The following GRK6 variants were observed in gnomAD, a reference collection of about 807,000 sequenced individuals.
The protein encoded by GRK6 is G protein-coupled receptor kinase 6.
A neutral mutation model predicts 80.8 loss-of-function variants in GRK6; 37 were observed. The observed-to-expected ratio is 0.46, with a 90% CI of 0.35 to 0.60. GRK6 has a LOEUF of 0.60. Ranked by LOEUF, GRK6 falls within the 20% of genes least tolerant of loss-of-function variation. The pLI is 0.00. For synonymous variants in GRK6, 295 were observed against 320.9 expected (o/e 0.92, Z 0.86); for missense variants, 560 against 784.6 (o/e 0.71, Z 3.42).
Position 177,428,361 on chromosome 5 carries a change from G to A in GRK6, c.52+1464G>A, listed in dbSNP as rs1349586054. ...CAGGCCATGGGCAAGGCACAGGGTGGTATGGCCAGACTGGGGACTGGTACC... is the reference window on the plus strand; with the variant it reads ...CAGGCCATGGGCAAGGCACAGGGTGATATGGCCAGACTGGGGACTGGTACC... On this transcript the variant is annotated intron_variant, in intron 1 of 15. Transcript: ENST00000355472. The surrounding 1 kb of genome is among the most constrained non-coding windows in gnomAD (Gnocchi z 4.1). Among the ~76,000 whole-genome samples the A allele has an allele frequency of 6.6e-6, 1 of 152,226 alleles. No individual in the cohort carries two copies. Among genetic ancestry groups the A allele is most frequent in the Non-Finnish European group, 1.5e-5 (1 of 68,036 alleles).
intron 12 of GRK6, 22 bp downstream of exon 12, chr5:177,436,303 T>C: frequency 6.2e-7 from 1 of 1,613,522 alleles, no homozygotes; most frequent in Non-Finnish European, 8.5e-7. Flanking sequence ...CACAGAAGCC[T>C]GGCCAGCCAG....
Position 177,433,580 on chromosome 5 carries a change from C to T in GRK6, c.642C>T (p.Cys214=), listed in dbSNP as rs770810038. The T allele has an allele frequency of 6.2e-7, 1 of 1,614,100 alleles. No individual in the cohort carries two copies. The highest frequency in any genetic ancestry group is 8.5e-7 in the Non-Finnish European group (1 of 1,180,010). ...GGGCCACAGGTAAGATGTATGCCTG[C>T]AAGAAGCTAGAGAAAAAGCGGATCA... ...QVRATGKMYA[C]KKLEKKRIKK... Residue 214 remains cysteine (C), a synonymous_variant, in exon 8 of 16, where the codon TGC becomes TGT. Coordinates refer to ENST00000355472, the MANE Select transcript of GRK6 (RefSeq NM_001004106.3).
chr5:177,426,070 G>C (rs536276464), upstream of GRK6, among the ~76,000 whole-genome samples: 1 of 152,220 alleles, frequency 6.6e-6, no homozygotes, highest in African/African-American at 2.4e-5. Context: ...GCAAGAGGTC[G>C]GGGAACGGCT....
chr5:177,436,149 G>A lies in GRK6; in HGVS notation c.1134G>A (p.Met378Ile). 2 of 1,614,184 alleles carry A rather than the reference G, an allele frequency of 1.2e-6. No homozygotes were observed. The highest frequency in any genetic ancestry group is 1.7e-6 in the Non-Finnish European group (2 of 1,180,034). The change falls in exon 12 of 16, where the codon ATG becomes ATA. Residue 378 changes from methionine (M) to isoleucine (I), a missense_variant. Physicochemically the swap from Met to Ile is conservative, Grantham distance 10. This residue lies in a region of GRK6 where 294 missense variants were observed against 397.4 expected (regional missense o/e 0.74). Transcript: ENST00000355472. Reference protein sequence around the residue: ...WWALGCLLYEMIAGQSPFQQR... With the variant: ...WWALGCLLYEIIAGQSPFQQR... ...CGCTCGGCTGCCTCCTGTACGAGATGATCGCAGGCCAGTCGCCCTTCCAGC... is the reference window on the plus strand; with the variant it reads ...CGCTCGGCTGCCTCCTGTACGAGATAATCGCAGGCCAGTCGCCCTTCCAGC...
At chr5:177,432,351 G>A in intron 4 of GRK6, 41 bp downstream of exon 4, 2 of 1,584,294 alleles carry the variant, frequency 1.3e-6, no homozygotes, top group Non-Finnish European at 1.7e-6. Context: ...AGCCACCAGA[G>A]CCCCGTGTCA....
chr5:177,427,976 A>G (rs1269334306), intron 1 of GRK6, among the ~76,000 whole-genome samples: 1 of 152,230 alleles, frequency 6.6e-6, no homozygotes, highest in Non-Finnish European at 1.5e-5. Flanking sequence ...ACACAGGATG[A>G]CCGGCACAGT....
chr5:177,426,152 G>C (rs1249962478), upstream of GRK6, among the ~76,000 whole-genome samples: 1 of 152,202 alleles, frequency 6.6e-6, no homozygotes, highest in Admixed American at 6.5e-5. Flanking sequence ...CGACCCAAGG[G>C]AATACGGCCA....
intron 13 of GRK6, among the ~76,000 whole-genome samples, chr5:177,440,254 C>A (rs114650010): frequency 6.6e-6 from 1 of 152,148 alleles, no homozygotes; most frequent in African/African-American, 2.4e-5. Flanking sequence ...AGTGGGAGAC[C>A]GTGCCAGTCC....
chr5:177,433,534 A>G lies in GRK6; in HGVS notation c.598-2A>G. On this transcript the variant is annotated splice_acceptor_variant, in intron 7 of 15. Transcript: ENST00000355472. LOFTEE classifies it high-confidence loss of function. ...CATTCGCCCCTGTCTGTCTGGCCAC[A>G]GGTGTGCGCCTGCCAGGTGCGGGCC... 1 of 1,614,052 alleles carries G rather than the reference A, an allele frequency of 6.2e-7. No homozygotes were observed. The highest frequency in any genetic ancestry group is 8.5e-7 in the Non-Finnish European group (1 of 1,179,994).
At chr5:177,432,638 CT>C (rs1763959101) in intron 4 of GRK6, 67 bp from the exon 5 acceptor site, 1 of 1,142,244 alleles carries the variant, frequency 8.8e-7, no homozygotes, top group Non-Finnish European at 1.3e-6. Context: ...TGCCTGACCC[CT>C]CTCCCCTGGA....
Position 177,440,812 on chromosome 5 carries a change from G to A in GRK6, c.1517G>A (p.Ser506Asn), listed in dbSNP as rs760539387. The A allele has an allele frequency of 1.9e-6, 3 of 1,614,024 alleles. No individual in the cohort carries two copies. Among genetic ancestry groups the A allele is most frequent in the Non-Finnish European group, 2.5e-6 (3 of 1,180,038 alleles). The change falls in exon 14 of 16, where the codon AGT (serine) becomes AAT (asparagine). Residue 506 changes from serine (S) to asparagine (N), a missense_variant. This residue lies in a region of GRK6 where 294 missense variants were observed against 397.4 expected (regional missense o/e 0.74). Coordinates refer to ENST00000355472, the MANE Select transcript of GRK6 (RefSeq NM_001004106.3). ...TTCTACCAGAAGTTTGCCACAGGCA[G>A]TGTGCCCATCCCCTGGCAGAACGAG... Reference protein sequence around the residue: ...QDFYQKFATGSVPIPWQNEMV... With the variant: ...QDFYQKFATGNVPIPWQNEMV...
At chr5:177,436,916 GTTCTTTTTTCCC>G (rs1764186978) in intron 13 of GRK6, among the ~76,000 whole-genome samples, 1 of 151,574 alleles carries the variant, frequency 6.6e-6, no homozygotes, top group Admixed American at 6.6e-5. Context: ...TCCTTCCTTC[GTTCTTTTTTCCC>G]TTCTTTTTTC....
chr5:177,432,087 G>A lies in GRK6; in HGVS notation c.241G>A (p.Val81Ile), dbSNP rs747788540. ...CATRPELSRC[V>I]AFLDGVAEYE... ...CACGAGGCCGGAGCTGAGCCGCTGCGTCGCCTTCCTGGATGGGGTGGTGAG... is the reference window on the plus strand; with the variant it reads ...CACGAGGCCGGAGCTGAGCCGCTGCATCGCCTTCCTGGATGGGGTGGTGAG... The change falls in exon 3 of 16, where the codon GTC becomes ATC. Residue 81 changes from valine (V) to isoleucine (I), a missense_variant. By Grantham distance (29) the Val-to-Ile change is conservative. Around this residue, in one of 3 missense-constraint regions of GRK6, gnomAD observed 189 missense variants for 230.2 expected, o/e 0.82. Transcript: ENST00000355472. 2.0e-5 allele frequency: 33 copies of A among 1,611,378 alleles called. No individual in the cohort carries two copies. Among genetic ancestry groups the A allele is most frequent in the Middle Eastern group, 1.7e-4 (1 of 6,050 alleles).
chr5:177,442,507 C>T lies in GRK6; in HGVS notation c.*717C>T, dbSNP rs1764560508. On this transcript the variant is annotated 3_prime_UTR_variant, in exon 16 of 16. Transcript: ENST00000355472. ...GTCCCTGATACTGGGCTCTGTCCTG[C>T]AGACACCTCTTTCAGAAACGCCCAA... 6.5e-6 allele frequency: 1 copy of T among 152,844 alleles called. No individual in the cohort carries two copies. The highest frequency in any genetic ancestry group is 2.4e-5 in the African/African-American group (1 of 41,466). The allele number at this position is 152,844 out of a possible 1,614,324, so 9.5% of individuals were successfully genotyped here. A position where few individuals can be genotyped will look rare whatever the true frequency, so the allele number is the denominator to read the frequency against.
chr5:177,435,893 G>A lies in GRK6; in HGVS notation c.1058-180G>A, dbSNP rs866881109. On this transcript the variant is annotated intron_variant, in intron 11 of 15. Transcript: ENST00000355472. ...CTGAAGACCCGGGGACCCTGGGCGCGGCCTCCTGCAGGGCCGTATTCACCC... is the reference window on the plus strand; with the variant it reads ...CTGAAGACCCGGGGACCCTGGGCGCAGCCTCCTGCAGGGCCGTATTCACCC... Among the ~76,000 whole-genome samples, 7 of 152,184 alleles carry A rather than the reference G, an allele frequency of 4.6e-5. No homozygotes were observed. In the South Asian group the frequency reaches 6.2e-4, roughly 14 times the overall value.
chr5:177,435,991 C>T (rs1764128425), intron 11 of GRK6, 82 bp from the exon 12 acceptor site: 19 of 1,204,664 alleles, frequency 1.6e-5, no homozygotes, highest in Non-Finnish European at 2.2e-5. Context: ...TATCCCAGAC[C>T]TAACGTGCAC....
intron 9 of GRK6, 76 bp from the exon 10 acceptor site, chr5:177,434,826 T>G: frequency 2.6e-6 from 4 of 1,559,536 alleles, no homozygotes; most frequent in East Asian, 2.2e-5. Flanking sequence ...CGGAGGCGAG[T>G]GAGCTGGGGG....
rs1368087871 is a variant in GRK6 at position 177,433,644 on chromosome 5, C to T, written c.706C>T (p.Gln236Ter). The change falls in exon 8 of 16, where the codon CAG (glutamine) becomes TAG (stop). Residue 236 changes from glutamine to a stop codon, truncating the protein, a stop_gained. Transcript: ENST00000355472. LOFTEE classifies it high-confidence loss of function. The stretch of plus-strand genomic sequence containing the variant: ...GGAGGCCATGGCGCTGAACGAGAAG[C>T]AGATCCTGGAGAAAGTGAACAGTAG... Reference protein sequence around the residue: ...KGEAMALNEKQILEKVNSRFV... With the variant: ...KGEAMALNEK 2 of 1,614,166 alleles carry T rather than the reference C, an allele frequency of 1.2e-6. No homozygotes were observed. The highest frequency in any genetic ancestry group is 1.7e-6 in the Non-Finnish European group (2 of 1,180,028).
chr5:177,433,387 C>T lies in GRK6; in HGVS notation c.574C>T (p.Leu192=). 6.2e-7 allele frequency: 1 copy of T among 1,613,868 alleles called. No individual in the cohort carries two copies. Among genetic ancestry groups the T allele is most frequent in the Non-Finnish European group, 8.5e-7 (1 of 1,179,846 alleles). ...AAACACCTTCAGGCAATACCGAGTC[C>T]TGGGCAAAGGTGGCTTTGGGGAGGT... ...TKNTFRQYRV[L]GKGGFGEVCA... is the part of the protein sequence containing the mutation. The change falls in exon 7 of 16, where the codon CTG becomes TTG. Residue 192 remains leucine, a synonymous_variant. Coordinates refer to ENST00000355472, the MANE Select transcript of GRK6 (RefSeq NM_001004106.3).
Sources: allele counts gnomAD v4.1 joint callset (sites outside exome capture counted in the v4.1 genomes callset), GRCh38; gene constraint gnomAD v4.1.1; regional missense constraint gnomAD v4.1.1; non-coding constraint Gnocchi (gnomAD v3.1); transcripts MANE v1.5; gene names NCBI Gene and HGNC (gene_info 2026-07-23, HGNC 2026-07-21).